RFC5: variants seen among roughly 807,000 people sequenced by gnomAD.
RFC5 encodes A1 36 kDa subunit.
In RFC5, 26 loss-of-function variants were observed where a neutral mutation model predicts 44.3. The observed-to-expected ratio is 0.59, with a 90% CI of 0.43 to 0.81. The LOEUF is 0.81. RFC5 is among the 40% of genes least tolerant of loss of function. RFC5 has a pLI of 0.00. For missense variants in RFC5, 328 were observed against 418.6 expected (o/e 0.78, Z 1.89); for synonymous variants, 155 against 155.2 (o/e 1.00, Z 0.01).
chr12:118,023,298 T>A (rs2030644659), intron 5 of RFC5, among the ~76,000 whole-genome samples: 1 of 151,194 alleles, frequency 6.6e-6, no homozygotes, highest in Admixed American at 6.6e-5. Flanking sequence ...TCATCTCTCA[T>A]TAAGATTCCA....
At chr12:118,040,188 A>G in the RFC5 span, among the ~76,000 whole-genome samples, 1 of 152,052 alleles carries the variant, frequency 6.6e-6, no homozygotes, top group African/African-American at 2.4e-5. Flanking sequence ...ATAAAGGTCA[A>G]TCATGGTTTC....
chr12:118,020,256 G>A (rs1437821950), intron 3 of RFC5, among the ~76,000 whole-genome samples: 1 of 152,180 alleles, frequency 6.6e-6, no homozygotes, highest in African/African-American at 2.4e-5. Flanking sequence ...CCCACCTGTA[G>A]GGTACATCTC....
intron 7 of RFC5, among the ~76,000 whole-genome samples, chr12:118,026,165 A>G (rs1213125067): frequency 6.6e-6 from 1 of 151,972 alleles, no homozygotes; most frequent in East Asian, 1.9e-4. Context: ...ATCCTGAGTC[A>G]TTGTTTTGTA....
chr12:118,016,916 G>A (rs757531862), intron 1 of RFC5, 24 bp downstream of exon 1: 1 of 1,603,818 alleles, frequency 6.2e-7, no homozygotes, highest in Admixed American at 1.7e-5. Context: ...GAGCGGCGGC[G>A]GTGGGCAGAG....
the RFC5 span, among the ~76,000 whole-genome samples, chr12:118,038,686 T>G: frequency 6.6e-6 from 1 of 152,190 alleles, no homozygotes; most frequent in Admixed American, 6.5e-5. Context: ...TTTTGTTGTT[T>G]GTTTCTGAGA....
At chr12:118,034,389 A>G (rs775428123), downstream of RFC5, 7 of 1,607,814 alleles carry the variant, frequency 4.4e-6, no homozygotes, top group Non-Finnish European at 6.0e-6. Context: ...ATGCTAAGAC[A>G]GAGCTTGGAT....
At chr12:118,036,384 C>T (rs757793610), downstream of RFC5, 4 of 1,614,060 alleles carry the variant, frequency 2.5e-6, no homozygotes, top group African/African-American at 5.3e-5. Flanking sequence ...CACATAATCA[C>T]ATTGGTATCG....
intron 9 of RFC5, 53 bp downstream of exon 9, chr12:118,028,083 G>C: frequency 8.7e-7 from 1 of 1,152,250 alleles, no homozygotes; most frequent in Non-Finnish European, 1.3e-6. Context: ...AGCCTGCTTT[G>C]GGGTTAAGGA....
intron 5 of RFC5, among the ~76,000 whole-genome samples, chr12:118,024,197 C>G (rs555525773): frequency 1.3e-5 from 2 of 151,766 alleles, no homozygotes; most frequent in African/African-American, 2.4e-5. Flanking sequence ...AAAAATTAGC[C>G]GGGCGTGGTG....
Position 118,026,940 on chromosome 12 carries a change from A to T in RFC5, c.715A>T (p.Thr239Ser). The T allele has an allele frequency of 6.2e-7, 1 of 1,614,072 alleles. No homozygotes were observed. Among genetic ancestry groups the T allele is most frequent in the Non-Finnish European group, 8.5e-7 (1 of 1,179,986 alleles). ...KVTEETVYTC[T>S]GHPLKSDIAN... Reference sequence around the variant, plus strand: ...GACAGAGGAGACTGTCTACACCTGCACCGGGCACCCGCTCAAGTCAGACAT... The same window carrying T: ...GACAGAGGAGACTGTCTACACCTGCTCCGGGCACCCGCTCAAGTCAGACAT... The change falls in exon 8 of 11, where the codon ACC (threonine) becomes TCC (serine). Residue 239 changes from threonine (T) to serine (S), a missense_variant. Coordinates refer to ENST00000454402, the MANE Select transcript of RFC5 (RefSeq NM_007370.7).
At chr12:118,034,125 C>G, downstream of RFC5, 1 of 1,584,024 alleles carries the variant, frequency 6.3e-7, no homozygotes, top group Non-Finnish European at 8.6e-7. Flanking sequence ...GATGTTTGGC[C>G]CATTATTCCA....
At chr12:118,018,947 C>G in intron 1 of RFC5, 125 bp from the exon 2 acceptor site, 1 of 686,512 alleles carries the variant, frequency 1.5e-6, no homozygotes, top group African/African-American at 1.8e-5. Context: ...GATCCACCCA[C>G]CTTGGCCTCC....
chr12:118,027,215 C>G, intron 8 of RFC5, 197 bp downstream of exon 8: 1 of 569,244 alleles, frequency 1.8e-6, no homozygotes, highest in South Asian at 2.2e-5. Flanking sequence ...TTGGAGGGCT[C>G]TGACCTTCAA....
rs761769505 is a variant in RFC5 at position 118,029,875 on chromosome 12, G to C, written c.926+50G>C. 6.8e-6 allele frequency: 9 copies of C among 1,323,646 alleles called. No individual in the cohort carries two copies. In the African/African-American group the frequency reaches 1.3e-4, roughly 19 times the overall value. The allele number at this position is 1,323,646 out of a possible 1,614,324, so 82.0% of individuals were successfully genotyped here. On this transcript the variant is annotated intron_variant, in intron 10 of 10. Coordinates refer to ENST00000454402, the MANE Select transcript of RFC5 (RefSeq NM_007370.7). The stretch of plus-strand genomic sequence containing the variant: ...AATTCTTTTCTTCCTTTTTTCCCCT[G>C]TTGTGAGTTATTTGTTTCAACTTTC...
Position 118,019,602 on chromosome 12 carries a change from AT to A in RFC5, c.131-29del. On this transcript the variant is annotated intron_variant, in intron 2 of 10. Transcript: ENST00000454402. This position sits in a 1 kb window ranked among gnomAD's most constrained non-coding sequence, Gnocchi z 4.2. Reference sequence around the variant, plus strand: ...TGAATGAGGCAGCTCCCAAAGACTGATGGTGCCCTTCTTCCTTCCTGATCCT... The same window carrying A: ...TGAATGAGGCAGCTCCCAAAGACTGAGGTGCCCTTCTTCCTTCCTGATCCT... 1 of 1,613,700 alleles carries A rather than the reference AT, an allele frequency of 6.2e-7. No homozygotes were observed.
downstream of RFC5, chr12:118,034,184 A>G (rs763682338): frequency 1.9e-6 from 3 of 1,613,920 alleles, no homozygotes; most frequent in East Asian, 6.7e-5. Context: ...GAAGCACAAG[A>G]TGTGGTGTTG....
intron 9 of RFC5, among the ~76,000 whole-genome samples, chr12:118,029,055 A>C (rs1004983950): frequency 6.6e-6 from 1 of 152,256 alleles, no homozygotes; most frequent in Non-Finnish European, 1.5e-5. Flanking sequence ...GCTCAGGCCC[A>C]GCTCTGCACC....
chr12:118,031,047 T>C, intron 10 of RFC5, 135 bp from the exon 11 acceptor site: 1 of 609,480 alleles, frequency 1.6e-6, no homozygotes, highest in African/African-American at 1.9e-5. Context: ...AAGATTGCCA[T>C]CCAGGGCACA....
At chr12:118,016,930 G>T in intron 1 of RFC5, 38 bp downstream of exon 1, 1 of 1,566,772 alleles carries the variant, frequency 6.4e-7, no homozygotes. Context: ...GGCAGAGGGG[G>T]CCAGGCGGCC....
Sources: allele counts gnomAD v4.1 joint callset (sites outside exome capture counted in the v4.1 genomes callset), GRCh38; gene constraint gnomAD v4.1.1; non-coding constraint Gnocchi (gnomAD v3.1); transcripts MANE v1.5; gene names NCBI Gene and HGNC (gene_info 2026-07-23, HGNC 2026-07-21).